Variants in GSE1 observed in about 807,000 individuals in gnomAD.
GSE1 encodes Gse1 coiled-coil protein.
Under a neutral mutation model 112.6 loss-of-function variants are expected in GSE1, and 32 were observed. The observed-to-expected ratio is 0.28, with a 90% confidence interval of 0.21 to 0.38. The LOEUF is 0.38. Ranked by LOEUF, GSE1 falls within the 10% of genes least tolerant of loss-of-function variation. The pLI is 1.00. For missense variants in GSE1, 2,348 were observed against 1,699.2 expected, an observed-to-expected ratio of 1.38 and a Z score of -6.71; for synonymous variants, 1,115 against 735.6, an observed-to-expected ratio of 1.52 and a Z score of -8.35.
intron 1 of GSE1, among the ~76,000 whole-genome samples, chr16:85,340,681 G>A (rs927367059): frequency 2.0e-5 from 3 of 152,256 alleles, no homozygotes; most frequent in African/African-American, 4.8e-5. Context: ...TGAGCTGTTC[G>A]GGACCAGCTC....
At chr16:85,196,609 C>T (rs2143506778) in intron 1 of GSE1, among the ~76,000 whole-genome samples, 1 of 152,164 alleles carries the variant, frequency 6.6e-6, no homozygotes, top group South Asian at 2.1e-4. Context: ...AGCATTGTTT[C>T]TCGATGGGTG....
chr16:85,293,210 G>A (rs763756608), intron 1 of GSE1, among the ~76,000 whole-genome samples: 2 of 152,262 alleles, frequency 1.3e-5, no homozygotes, highest in Non-Finnish European at 2.9e-5. Context: ...GCCTGTGGTA[G>A]TGTCCCGTGT....
At chr16:85,642,112 C>T (rs1192599833) in intron 2 of GSE1, among the ~76,000 whole-genome samples, 1 of 152,244 alleles carries the variant, frequency 6.6e-6, no homozygotes, top group Non-Finnish European at 1.5e-5. Context: ...ACGTGGCACA[C>T]TGAGTCTCCT....
At chr16:85,552,316 C>T (rs1227236692), upstream of GSE1, among the ~76,000 whole-genome samples, 2 of 116,586 alleles carry the variant, frequency 1.7e-5, no homozygotes, top group Admixed American at 1.9e-4. Context: ...TGAACCACCG[C>T]ACCCGCCCCT....
At chr16:85,505,160 G>A (rs1387282497) in intron 2 of GSE1, among the ~76,000 whole-genome samples, 2 of 152,180 alleles carry the variant, frequency 1.3e-5, no homozygotes, top group African/African-American at 2.4e-5. Flanking sequence ...ACTCTCTGGC[G>A]CCCAGGGGAG....
At chr16:85,517,896 G>A (rs1047695453) in intron 2 of GSE1, among the ~76,000 whole-genome samples, 2 of 152,208 alleles carry the variant, frequency 1.3e-5, no homozygotes, top group Non-Finnish European at 2.9e-5. Context: ...CGTGTGCCCC[G>A]TCAGTGTGTG....
chr16:85,268,783 C>A (rs1908524698), intron 1 of GSE1, among the ~76,000 whole-genome samples: 1 of 152,194 alleles, frequency 6.6e-6, no homozygotes, highest in East Asian at 1.9e-4. Context: ...CTGTGCCCAG[C>A]CTCCTGGGTA....
chr16:85,433,606 G>A (rs571671120), intron 2 of GSE1, among the ~76,000 whole-genome samples: 5 of 93,744 alleles, frequency 5.3e-5, no homozygotes, highest in South Asian at 3.7e-4. Flanking sequence ...ATGGATGGAT[G>A]GATGGATGGA....
At chr16:85,488,637 C>T (rs1174991617) in intron 2 of GSE1, among the ~76,000 whole-genome samples, 1 of 152,072 alleles carries the variant, frequency 6.6e-6, no homozygotes. Flanking sequence ...TTCAAGGTGC[C>T]TCAGGAACAG....
intron 3 of GSE1, among the ~76,000 whole-genome samples, chr16:85,649,640 C>G (rs2051170353): frequency 6.6e-6 from 1 of 152,162 alleles, no homozygotes; most frequent in African/African-American, 2.4e-5. Flanking sequence ...TCCCGGCCCC[C>G]CACCCCTGGC....
intron 2 of GSE1, among the ~76,000 whole-genome samples, chr16:85,412,864 C>G (rs1349644541): frequency 2.0e-5 from 3 of 152,230 alleles, no homozygotes; most frequent in South Asian, 2.1e-4. Flanking sequence ...TTCACAGGTT[C>G]CAGGGATGAG....
intron 2 of GSE1, among the ~76,000 whole-genome samples, chr16:85,485,570 C>G (rs1053304219): frequency 6.6e-6 from 1 of 152,240 alleles, no homozygotes; most frequent in Non-Finnish European, 1.5e-5. Flanking sequence ...CCGCCGCCGC[C>G]GCGTTAAGGA....
At chr16:85,530,029 C>A (rs1367857056) in intron 2 of GSE1, among the ~76,000 whole-genome samples, 2 of 152,222 alleles carry the variant, frequency 1.3e-5, no homozygotes, top group Non-Finnish European at 2.9e-5. Context: ...CAGTGCACAA[C>A]CTGCCCGCAT....
At chr16:85,507,514 C>G (rs575759771) in intron 2 of GSE1, among the ~76,000 whole-genome samples, 2 of 152,378 alleles carry the variant, frequency 1.3e-5, no homozygotes, top group East Asian at 1.9e-4. Context: ...ATGCCACACT[C>G]TGGCTTGAAC....
At chr16:85,390,710 C>CA (rs56880701) in intron 2 of GSE1, among the ~76,000 whole-genome samples, 8 of 143,356 alleles carry the variant, frequency 5.6e-5, no homozygotes, top group Non-Finnish European at 1.1e-4. Flanking sequence ...CTGCCCCCCC[C>CA]ACCCCTCCCC....
intron 1 of GSE1, among the ~76,000 whole-genome samples, chr16:85,352,171 C>G (rs2046864287): frequency 6.6e-6 from 1 of 152,178 alleles, no homozygotes; most frequent in Non-Finnish European, 1.5e-5. Context: ...CACCCTCCTC[C>G]CCTGAGTCTA....
chr16:85,370,622 TCCCTCCTTCTCTCC>T (rs2047276651), intron 2 of GSE1, among the ~76,000 whole-genome samples: 5 of 149,732 alleles, frequency 3.3e-5, no homozygotes, highest in Non-Finnish European at 7.4e-5. Context: ...CTTCTCTCCC[TCCCTCCTTCTCTCC>T]CTCCCTCCTT....
chr16:85,382,453 A>G (rs1304673782), intron 2 of GSE1, among the ~76,000 whole-genome samples: 1 of 152,174 alleles, frequency 6.6e-6, no homozygotes, highest in African/African-American at 2.4e-5. Flanking sequence ...AATGTGCAGA[A>G]TTGGGTAAAA....
At chr16:85,596,190 C>T (rs146095594) in intron 1 of GSE1, among the ~76,000 whole-genome samples, 14 of 152,186 alleles carry the variant, frequency 9.2e-5, no homozygotes, top group Non-Finnish European at 2.1e-4. Flanking sequence ...CATCGCAGCT[C>T]GAAGGACGGA....
Sources: gnomAD v4.1 joint callset for allele counts (sites outside exome capture counted in the v4.1 genomes callset) on GRCh38, gnomAD v4.1.1 for gene constraint, MANE v1.5 for transcripts, NCBI Gene and HGNC (gene_info 2026-07-23, HGNC 2026-07-21) for gene names.